CFAP43: variants seen among roughly 807,000 people sequenced by gnomAD.
CFAP43 encodes the protein cilia and flagella associated protein 43.
A neutral mutation model predicts 218.9 loss-of-function variants in CFAP43; 155 were observed. The ratio of observed to expected loss-of-function variants is 0.71; its 90% CI spans 0.62 to 0.81. CFAP43 has a LOEUF of 0.81. Ranked by LOEUF, CFAP43 falls within the 30% of genes least tolerant of loss-of-function variation. The pLI, the probability that CFAP43 is intolerant of heterozygous loss-of-function variation, is 0.00. For synonymous variants in CFAP43, 645 were observed against 681.3 expected (o/e 0.95, Z 0.83); for missense variants, 1,778 against 1,954.3 (o/e 0.91, Z 1.70).
At chr10:104,178,878 G>A (rs1288411834) in intron 19 of CFAP43, 151 bp downstream of exon 19, 6 of 550,874 alleles carry the variant, frequency 1.1e-5, no homozygotes, top group Admixed American at 6.6e-5. Flanking sequence ...GTGAATTGGA[G>A]AAATTTTATC....
intron 36 of CFAP43, among the ~76,000 whole-genome samples, chr10:104,131,846 A>G (rs2087210037): frequency 6.6e-6 from 1 of 152,238 alleles, no homozygotes; most frequent in Admixed American, 6.5e-5. Context: ...CTCCTATTAC[A>G]TAAATCCTAA....
At position 104,193,995 on chromosome 10, in the gene CFAP43, C is replaced by T; in HGVS notation, c.1313G>A (p.Cys438Tyr). 1.9e-6 allele frequency: 3 copies of T among 1,613,758 alleles called. No homozygotes were observed. Among genetic ancestry groups the T allele is most frequent in the Non-Finnish European group, 1.7e-6 (2 of 1,180,008 alleles). ...CACGGCTGCAGAGAGGGAGGATGGA[C>T]AGCAAGCCAGAACCGTTGCCTGTTT... The part of the protein sequence containing the change: ...LNTLATVLAC[C>Y]PSSLSAAVGT... The change falls in exon 11 of 38, where the codon TGT (cysteine) becomes TAT (tyrosine). Residue 438 changes from cysteine (C) to tyrosine (Y), a missense_variant. By Grantham distance (194) the Cys-to-Tyr change is radical. Transcript: ENST00000357060.
intron 13 of CFAP43, 71 bp downstream of exon 13, chr10:104,188,199 C>G (rs1266088385): frequency 1.3e-6 from 2 of 1,559,594 alleles, no homozygotes; most frequent in Middle Eastern, 1.7e-4. Flanking sequence ...AAAAACAAAA[C>G]AAACCCAAAA....
At chr10:104,230,913 G>C in intron 1 of CFAP43, 70 bp from the exon 2 acceptor site, 1 of 1,461,482 alleles carries the variant, frequency 6.8e-7, no homozygotes, top group Non-Finnish European at 9.1e-7. Context: ...ACAAAGCAAA[G>C]GGTCATCAAA....
chr10:104,205,783 T>G (rs930365764), intron 7 of CFAP43, among the ~76,000 whole-genome samples, 180 bp downstream of exon 7: 3 of 152,240 alleles, frequency 2.0e-5, no homozygotes, highest in African/African-American at 4.8e-5. Flanking sequence ...CCCTCTATTT[T>G]GTATAGATTT....
At chr10:104,175,931 C>A (rs1224719568) in intron 19 of CFAP43, among the ~76,000 whole-genome samples, 2 of 152,132 alleles carry the variant, frequency 1.3e-5, no homozygotes, top group Non-Finnish European at 2.9e-5. Context: ...TCAGAGCTGG[C>A]AGATAAATTC....
chr10:104,135,121 C>G (rs2087378493), intron 34 of CFAP43, among the ~76,000 whole-genome samples: 1 of 151,866 alleles, frequency 6.6e-6, no homozygotes, highest in African/African-American at 2.4e-5. Context: ...AATTTAAAAA[C>G]TCACATGATC....
At chr10:104,169,441 T>G (rs1170570717) in intron 20 of CFAP43, among the ~76,000 whole-genome samples, 1 of 152,188 alleles carries the variant, frequency 6.6e-6, no homozygotes, top group Non-Finnish European at 1.5e-5. Flanking sequence ...ACAATCTGTG[T>G]TTTTTTCCAC....
intron 28 of CFAP43, 24 bp from the exon 29 acceptor site, chr10:104,148,022 G>C (rs761777502): frequency 1.5e-5 from 22 of 1,495,626 alleles, no homozygotes; most frequent in Non-Finnish European, 1.9e-5. Context: ...TAAGAAAAAG[G>C]TTGGTGGAAT....
intron 34 of CFAP43, among the ~76,000 whole-genome samples, chr10:104,137,806 A>T (rs1481130731): frequency 1.3e-5 from 2 of 152,216 alleles, no homozygotes; most frequent in African/African-American, 4.8e-5. Context: ...GTCTCAAAAA[A>T]CAAAAAACAA....
chr10:104,206,140 A>T, intron 6 of CFAP43, 110 bp from the exon 7 acceptor site: 1 of 835,386 alleles, frequency 1.2e-6, no homozygotes, highest in Non-Finnish European at 1.9e-6. Flanking sequence ...GTTGTTTTTG[A>T]ATTCTCTATC....
Position 104,162,176 on chromosome 10 carries a change from G to A in CFAP43, c.3334-135C>T, listed in dbSNP as rs1351127215. The A allele has an allele frequency of 2.4e-6, 3 of 1,239,104 alleles. No homozygotes were observed. The African/African-American group carries it at 4.5e-5, about 18-fold the overall frequency. 76.8% of individuals were successfully genotyped at this position (1,239,104 alleles called of 1,614,324 possible). A position where few individuals can be genotyped will look rare whatever the true frequency, so the allele number is the denominator to read the frequency against. On this transcript the variant is annotated intron_variant, in intron 25 of 37. Coordinates refer to ENST00000357060, the MANE Select transcript of CFAP43 (RefSeq NM_025145.7). ...GGGAAGGTAGGTAGTGCCTGGAGGA[G>A]AGAAGGGGAAAGGAGGCCAACTGAG...
intron 2 of CFAP43, 35 bp from the exon 3 acceptor site, chr10:104,225,592 T>G (rs1336069153): frequency 1.3e-6 from 2 of 1,547,250 alleles, no homozygotes; most frequent in Admixed American, 3.5e-5. Flanking sequence ...GATTTGATTA[T>G]GTTAAGACCA....
At chr10:104,194,324 C>T (rs1187792112) in intron 10 of CFAP43, among the ~76,000 whole-genome samples, 2 of 152,042 alleles carry the variant, frequency 1.3e-5, no homozygotes, top group Non-Finnish European at 2.9e-5. Flanking sequence ...TGCCAATAAT[C>T]TATTTAAGTG....
At position 104,182,452 on chromosome 10, in the gene CFAP43, G is replaced by C. The variant is rs1351004955; in HGVS notation, c.2203C>G (p.Leu735Val). 2 of 1,612,282 alleles carry C rather than the reference G, an allele frequency of 1.2e-6. No individual in the cohort carries two copies. Among genetic ancestry groups the C allele is most frequent in the Non-Finnish European group, 1.7e-6 (2 of 1,179,408 alleles). The change falls in exon 17 of 38, where the codon CTG becomes GTG. Residue 735 changes from leucine to valine, a missense_variant. Physicochemically the swap from Leu to Val is conservative, Grantham distance 32. Around this residue, in one of 3 missense-constraint regions of CFAP43, gnomAD observed 1,553 missense variants for 1,685.2 expected, o/e 0.92. Transcript: ENST00000357060. ...LDYYQKLLIS[L>V]SSAMDKENHY... ...TTCTCCTTGTCCATGGCGCTGCTCA[G>C]GGAAATTAATAGTTTCTGGTAATAG... is the stretch of plus-strand genomic sequence containing the variant.
chr10:104,167,334 A>G (rs2089205443), intron 22 of CFAP43, among the ~76,000 whole-genome samples: 1 of 152,194 alleles, frequency 6.6e-6, no homozygotes, highest in African/African-American at 2.4e-5. Context: ...GTGTGGATGA[A>G]GACAACCTCT....
At chr10:104,209,450 C>T (rs1227612945) in intron 5 of CFAP43, among the ~76,000 whole-genome samples, 2 of 152,014 alleles carry the variant, frequency 1.3e-5, no homozygotes, top group East Asian at 1.9e-4. Flanking sequence ...AAACTGCAGG[C>T]GTACCCCTTA....
intron 28 of CFAP43, among the ~76,000 whole-genome samples, chr10:104,149,327 G>A (rs1054317547): frequency 3.9e-5 from 6 of 152,230 alleles, no homozygotes; most frequent in Admixed American, 1.3e-4. Context: ...CCATTAATCC[G>A]TTGAGAGATG....
Position 104,188,223 on chromosome 10 carries a change from A to T in CFAP43, c.1687+47T>A, listed in dbSNP as rs372139398. 1,269 of 1,589,488 alleles carry T rather than the reference A, an allele frequency of 8.0e-4. 1 individual carries two copies. The highest frequency in any genetic ancestry group is 1.1e-3 in the Non-Finnish European group (1,233 of 1,166,950). On this transcript the variant is annotated intron_variant, in intron 13 of 37. Coordinates refer to ENST00000357060, the MANE Select transcript of CFAP43 (RefSeq NM_025145.7). ...ACAAACCCAAAAAACAATAACAACAATGTATCTGGGCTCAGGAGCAGAACT... is the reference window on the plus strand; with the variant it reads ...ACAAACCCAAAAAACAATAACAACATTGTATCTGGGCTCAGGAGCAGAACT...
Sources: allele counts gnomAD v4.1 joint callset (sites outside exome capture counted in the v4.1 genomes callset), GRCh38; gene constraint gnomAD v4.1.1; regional missense constraint gnomAD v4.1.1; transcripts MANE v1.5; gene names NCBI Gene and HGNC (gene_info 2026-07-23, HGNC 2026-07-21).